S1PR2: variants seen among roughly 807,000 people sequenced by gnomAD.
S1PR2 encodes sphingosine-1-phosphate receptor 2, also known as sphingosine 1-phosphate receptor 2.
A neutral mutation model predicts 16.1 loss-of-function variants in S1PR2; 9 were observed. The ratio of observed to expected loss-of-function variants is 0.56; its 90% CI spans 0.34 to 0.98. The LOEUF (loss-of-function observed/expected upper bound fraction) is 0.98. Ranked by LOEUF, S1PR2 falls within the 50% of genes least tolerant of loss-of-function variation. The pLI, the probability that S1PR2 is intolerant of heterozygous loss-of-function variation, is 0.02. For missense variants in S1PR2, 361 were observed against 488.4 expected (o/e 0.74, Z 2.46); for synonymous variants, 224 against 233.9 (o/e 0.96, Z 0.38).
intron 1 of S1PR2, among the ~76,000 whole-genome samples, chr19:10,226,150 G>T (rs958982486): frequency 6.6e-6 from 1 of 152,240 alleles, no homozygotes; most frequent in African/African-American, 2.4e-5. Flanking sequence ...GTCAGGGAGA[G>T]TCTCACCACT....
rs952695346 is a variant in S1PR2 at position 10,223,944 on chromosome 19, G to A, written c.962C>T (p.Pro321Leu). The A allele has an allele frequency of 1.2e-5, 19 of 1,602,648 alleles. No individual in the cohort carries two copies. Among genetic ancestry groups the A allele is most frequent in the Non-Finnish European group, 1.4e-5 (17 of 1,174,462 alleles). Residue 321 changes from proline to leucine, a missense_variant, in exon 2 of 2, where the codon CCG (proline) becomes CTG (leucine). By Grantham distance (98) the Pro-to-Leu change is moderately conservative. Coordinates refer to ENST00000646641, the MANE Select transcript of S1PR2 (RefSeq NM_004230.4). Reference sequence around the variant, plus strand: ...GCGGAGTGGCAGGAGGTGGTGGCCCGGGGTCCCGCCCCGCCTCCGTCCTTG... The same window carrying A: ...GCGGAGTGGCAGGAGGTGGTGGCCCAGGGTCCCGCCCCGCCTCCGTCCTTG... Reference protein sequence around the residue: ...GVQGRRRGGTPGHHLLPLRSS... With the variant: ...GVQGRRRGGTLGHHLLPLRSS...
At chr19:10,230,167 A>T (rs2039661810) in intron 1 of S1PR2, among the ~76,000 whole-genome samples, 1 of 152,178 alleles carries the variant, frequency 6.6e-6, no homozygotes, top group Admixed American at 6.5e-5. Flanking sequence ...TGGAGATGGC[A>T]GCAGGACCCG....
At chr19:10,228,655 C>T (rs997985808) in intron 1 of S1PR2, among the ~76,000 whole-genome samples, 2 of 152,216 alleles carry the variant, frequency 1.3e-5, no homozygotes, top group Non-Finnish European at 2.9e-5. Context: ...TAGCCCATGT[C>T]CCCTCCCTGT....
At chr19:10,228,756 A>G (rs1391012796) in intron 1 of S1PR2, among the ~76,000 whole-genome samples, 1 of 152,228 alleles carries the variant, frequency 6.6e-6, no homozygotes, top group Admixed American at 6.5e-5. Flanking sequence ...AAGCTCAGAA[A>G]GAGGCCACTG....
At position 10,223,943 on chromosome 19, in the gene S1PR2, C is replaced by G. The variant is rs748108934; in HGVS notation, c.963G>C (p.Pro321=). 1.2e-6 allele frequency: 2 copies of G among 1,603,246 alleles called. No homozygotes were observed. Among genetic ancestry groups the G allele is most frequent in the Non-Finnish European group, 1.7e-6 (2 of 1,174,760 alleles). ...GVQGRRRGGT[P]GHHLLPLRSS... is the part of the protein sequence containing the mutation. ...TGCGGAGTGGCAGGAGGTGGTGGCCCGGGGTCCCGCCCCGCCTCCGTCCTT... is the reference window on the plus strand; with the variant it reads ...TGCGGAGTGGCAGGAGGTGGTGGCCGGGGGTCCCGCCCCGCCTCCGTCCTT... Residue 321 remains proline (P), a synonymous_variant, in exon 2 of 2, where the codon CCG becomes CCC. Coordinates refer to ENST00000646641, the MANE Select transcript of S1PR2 (RefSeq NM_004230.4).
chr19:10,230,688 A>G (rs1428761504), intron 1 of S1PR2, among the ~76,000 whole-genome samples: 1 of 152,316 alleles, frequency 6.6e-6, no homozygotes, highest in East Asian at 1.9e-4. Flanking sequence ...CTTTCCTTAC[A>G]AAACAAAGCC....
chr19:10,226,921 A>AT (rs576972961), intron 1 of S1PR2, among the ~76,000 whole-genome samples: 1 of 139,794 alleles, frequency 7.2e-6, no homozygotes, highest in Non-Finnish European at 1.6e-5. Flanking sequence ...AACCTGAGTC[A>AT]CCCCCCCAAC....
Position 10,223,708 on chromosome 19 carries a change from G to T in S1PR2, c.*136C>A. The T allele has an allele frequency of 1.2e-6, 1 of 829,652 alleles. No individual in the cohort carries two copies. Among genetic ancestry groups the T allele is most frequent in the Non-Finnish European group, 1.9e-6 (1 of 538,878 alleles). 51.4% of individuals were successfully genotyped at this position (829,652 alleles called of 1,614,324 possible). On this transcript the variant is annotated 3_prime_UTR_variant, in exon 2 of 2. Transcript: ENST00000646641. ...TGCCTTATCTGGCCTTTCCAGGTGT[G>T]AAATATTTGCAACATCACCCAGGTC...
At chr19:10,230,708 G>C (rs1599238967) in intron 1 of S1PR2, among the ~76,000 whole-genome samples, 2 of 152,354 alleles carry the variant, frequency 1.3e-5, no homozygotes, top group Middle Eastern at 3.4e-3. Context: ...CACGCCCCCC[G>C]CCGGGGGACC....
Position 10,224,452 on chromosome 19 carries a change from T to G in S1PR2, c.454A>C (p.Ile152Leu). 6.2e-7 allele frequency: 1 copy of G among 1,613,730 alleles called. No individual in the cohort carries two copies. Among genetic ancestry groups the G allele is most frequent in the East Asian group, 2.2e-5 (1 of 44,882 alleles). The change falls in exon 2 of 2, where the codon ATC becomes CTC. Residue 152 changes from isoleucine to leucine, a missense_variant. Coordinates refer to ENST00000646641, the MANE Select transcript of S1PR2 (RefSeq NM_004230.4). ...AGCGAGATGAGCCACGAGGCCCCGA[T>G]GAGCAGAAGCATGCGGCAGCTCTTG... ...SDKSCRMLLL[I>L]GASWLISLVL...
At chr19:10,229,978 A>C (rs2039659894) in intron 1 of S1PR2, among the ~76,000 whole-genome samples, 1 of 89,684 alleles carries the variant, frequency 1.1e-5, no homozygotes, top group Admixed American at 1.0e-4. Flanking sequence ...GGAATGGGCA[A>C]ATGAATGAAT....
chr19:10,224,685 T>C lies in S1PR2; in HGVS notation c.221A>G (p.Asn74Ser). The C allele has an allele frequency of 1.2e-6, 2 of 1,614,174 alleles. No individual in the cohort carries two copies. Among genetic ancestry groups the C allele is most frequent in the Non-Finnish European group, 1.7e-6 (2 of 1,180,044 alleles). Residue 74 changes from asparagine (N) to serine (S), a missense_variant, in exon 2 of 2, where the codon AAC (asparagine) becomes AGC (serine). By Grantham distance (46) the Asn-to-Ser change is conservative. Coordinates refer to ENST00000646641, the MANE Select transcript of S1PR2 (RefSeq NM_004230.4). ...FHSAMYLFLGNLAASDLLAGV... is the reference protein window; with the variant it reads ...FHSAMYLFLGSLAASDLLAGV... Reference sequence around the variant, plus strand: ...TGCCAGTAGATCGGAGGCGGCCAGGTTGCCCAGAAACAGGTACATTGCCGA... The same window carrying C: ...TGCCAGTAGATCGGAGGCGGCCAGGCTGCCCAGAAACAGGTACATTGCCGA...
Position 10,224,024 on chromosome 19 carries a change from G to A in S1PR2, c.882C>T (p.Asp294=), listed in dbSNP as rs35493500. The A allele has an allele frequency of 4.0e-4, 646 of 1,612,616 alleles. 10 individuals are homozygous for A. In the East Asian group the frequency reaches 0.014, roughly 34 times the overall value. The part of the protein sequence containing the change: ...NPVIYTWRSR[D]LRREVLRPLQ... Reference sequence around the variant, plus strand: ...GCGGCCGAAGCACCTCCCGCCGCAGGTCCCGGCTGCGCCACGTGTAGATGA... The same window carrying A: ...GCGGCCGAAGCACCTCCCGCCGCAGATCCCGGCTGCGCCACGTGTAGATGA... The change falls in exon 2 of 2, where the codon GAC becomes GAT. Residue 294 remains aspartate (D), a synonymous_variant. Coordinates refer to ENST00000646641, the MANE Select transcript of S1PR2 (RefSeq NM_004230.4).
At chr19:10,225,616 T>C (rs1260356611) in intron 1 of S1PR2, among the ~76,000 whole-genome samples, 1 of 151,762 alleles carries the variant, frequency 6.6e-6, no homozygotes, top group African/African-American at 2.4e-5. Context: ...GCCAGCATGG[T>C]CTCGAACTTC....
chr19:10,223,200 A>G lies in S1PR2; in HGVS notation c.*644T>C. 1 of 93,344 alleles carries G rather than the reference A, an allele frequency of 1.1e-5. No homozygotes were observed. The highest frequency in any genetic ancestry group is 2.1e-5 in the Non-Finnish European group (1 of 47,432). The allele number at this position is 93,344 out of a possible 1,614,324, so 5.8% of individuals were successfully genotyped here. On this transcript the variant is annotated 3_prime_UTR_variant, in exon 2 of 2. Coordinates refer to ENST00000646641, the MANE Select transcript of S1PR2 (RefSeq NM_004230.4). ...AAAAAAAAAAAAAAAAAAAAAAAAA[A>G]AAAAAGCCGGGCACGGTGGCTCACG...
intron 1 of S1PR2, among the ~76,000 whole-genome samples, chr19:10,229,318 C>T (rs574208766): frequency 6.6e-6 from 1 of 151,682 alleles, no homozygotes; most frequent in South Asian, 2.1e-4. Context: ...GAGACAGAGT[C>T]TCACTCTGTT....
At position 10,224,347 on chromosome 19, in the gene S1PR2, C is replaced by T. The variant is rs375315200; in HGVS notation, c.559G>A (p.Ala187Thr). 1.3e-5 allele frequency: 21 copies of T among 1,614,068 alleles called. No homozygotes were observed. The highest frequency in any genetic ancestry group is 3.3e-4 in the Middle Eastern group (2 of 6,062). Residue 187 changes from alanine (A) to threonine (T), a missense_variant, in exon 2 of 2, where the codon GCC becomes ACC. Ala to Thr is a moderately conservative substitution (Grantham distance 58, BLOSUM62 0). Transcript: ENST00000646641. ...ACCACGCACAGCACATAATGCTTGG[C>T]GTAGAGAGGCAGGACAGTGGAGCAG... is the stretch of plus-strand genomic sequence containing the variant. Reference protein sequence around the residue: ...EACSTVLPLYAKHYVLCVVTI... With the variant: ...EACSTVLPLYTKHYVLCVVTI...
Position 10,223,945 on chromosome 19 carries a change from G to C in S1PR2, c.961C>G (p.Pro321Ala), listed in dbSNP as rs769255115. 6 of 1,603,978 alleles carry C rather than the reference G, an allele frequency of 3.7e-6. 1 individual carries two copies. In the South Asian group the frequency reaches 5.6e-5, roughly 15 times the overall value. ...CGGAGTGGCAGGAGGTGGTGGCCCG[G>C]GGTCCCGCCCCGCCTCCGTCCTTGC... ...GVQGRRRGGT[P>A]GHHLLPLRSS... The change falls in exon 2 of 2, where the codon CCG becomes GCG. Residue 321 changes from proline to alanine, a missense_variant. Pro to Ala is a conservative substitution (Grantham distance 27). Transcript: ENST00000646641.
Position 10,224,220 on chromosome 19 carries a change from A to G in S1PR2, c.686T>C (p.Leu229Pro). ...SHADMAAPQT[L>P]ALLKTVTIVL... The stretch of plus-strand genomic sequence containing the variant: ...GATGGTGACCGTCTTGAGCAGGGCT[A>G]GCGTCTGCGGGGCGGCCATGTCAGC... Residue 229 changes from leucine to proline, a missense_variant, in exon 2 of 2, where the codon CTA becomes CCA. Coordinates refer to ENST00000646641, the MANE Select transcript of S1PR2 (RefSeq NM_004230.4). 1 of 1,613,296 alleles carries G rather than the reference A, an allele frequency of 6.2e-7. No homozygotes were observed. Among genetic ancestry groups the G allele is most frequent in the Non-Finnish European group, 8.5e-7 (1 of 1,180,040 alleles).
Sources: allele counts gnomAD v4.1 joint callset (sites outside exome capture counted in the v4.1 genomes callset), GRCh38; gene constraint gnomAD v4.1.1; transcripts MANE v1.5; gene names NCBI Gene and HGNC (gene_info 2026-07-23, HGNC 2026-07-21).